SHCBP1: variants seen among roughly 807,000 people sequenced by gnomAD.
The protein encoded by SHCBP1 is SHC SH2 domain-binding protein 1.
Under a neutral mutation model 75.1 loss-of-function variants are expected in SHCBP1, and 60 were observed. That is an observed-to-expected ratio of 0.80 (90% CI 0.65 to 0.99). The LOEUF (loss-of-function observed/expected upper bound fraction) is 0.99. Among genes scored for constraint, SHCBP1 ranks in the 50% least tolerant of loss-of-function variants. The probability of loss-of-function intolerance (pLI) is 0.00; values close to 1 mark genes in which losing one functional copy is unlikely to be tolerated. For missense variants in SHCBP1, 709 were observed against 809.4 expected, an observed-to-expected ratio of 0.88 and a Z score of 1.50; for synonymous variants, 290 against 293.2, an observed-to-expected ratio of 0.99 and a Z score of 0.11.
Position 46,595,656 on chromosome 16 carries a change from T to C in SHCBP1, c.1360A>G (p.Lys454Glu). ...AGCACACAGTTTTCCAGCGTAGTCT[T>C]ACCACGGTGAACAACTGGGATGAAA... Reference protein sequence around the residue: ...VEGILIVHRGKTTLENCVLQC... With the variant: ...VEGILIVHRGETTLENCVLQC... Residue 454 changes from lysine (K) to glutamate (E), a missense_variant, in exon 10 of 13, where the codon AAG (lysine) becomes GAG (glutamate). Coordinates refer to ENST00000303383, the MANE Select transcript of SHCBP1 (RefSeq NM_024745.5). The C allele has an allele frequency of 1.9e-6, 3 of 1,613,696 alleles. No homozygotes were observed. Among genetic ancestry groups the C allele is most frequent in the South Asian group, 2.2e-5 (2 of 91,022 alleles).
chr16:46,588,525 C>T (rs1308860259), intron 10 of SHCBP1, among the ~76,000 whole-genome samples: 1 of 152,154 alleles, frequency 6.6e-6, no homozygotes, highest in African/African-American at 2.4e-5. Flanking sequence ...AAACTACCAT[C>T]AGAGAACACT....
intron 4 of SHCBP1, among the ~76,000 whole-genome samples, chr16:46,609,967 T>C (rs1330830338): frequency 6.6e-6 from 1 of 151,380 alleles, no homozygotes; most frequent in African/African-American, 2.4e-5. Context: ...TTTTTTTTTT[T>C]CAGATGGAGT....
At chr16:46,600,472 C>CA (rs1471228448) in intron 8 of SHCBP1, among the ~76,000 whole-genome samples, 2 of 151,788 alleles carry the variant, frequency 1.3e-5, no homozygotes, top group African/African-American at 4.8e-5. Flanking sequence ...GACCCCATCT[C>CA]AAAAAATGAT....
At position 46,597,110 on chromosome 16, in the gene SHCBP1, A is replaced by G. The variant is rs143733000; in HGVS notation, c.1346-1440T>C. 2.7e-3 allele frequency among the ~76,000 whole-genome samples: 415 copies of G among 152,306 alleles called. 1 individual carries two copies. The highest frequency in any genetic ancestry group is 0.01 in the Middle Eastern group (3 of 294). On this transcript the variant is annotated intron_variant, in intron 9 of 12. Coordinates refer to ENST00000303383, the MANE Select transcript of SHCBP1 (RefSeq NM_024745.5). ...TCCAAACCACCACAATAAAGGAAAT[A>G]TCACAATTAAAGTGAGTCACACAAT... is the stretch of plus-strand genomic sequence containing the variant.
intron 4 of SHCBP1, among the ~76,000 whole-genome samples, chr16:46,613,863 T>A (rs1434653682): frequency 2.3e-4 from 35 of 152,140 alleles, no homozygotes. Flanking sequence ...ACAAATGAAA[T>A]CCCTCATAAT....
chr16:46,611,032 T>A (rs1965408192), intron 4 of SHCBP1, among the ~76,000 whole-genome samples: 1 of 151,854 alleles, frequency 6.6e-6, no homozygotes, highest in Non-Finnish European at 1.5e-5. Context: ...CTGTGTGGAG[T>A]ATGTACATTT....
chr16:46,579,771 C>T lies in SHCBP1; in HGVS notation c.*1958G>A, dbSNP rs1331336835. Among the ~76,000 whole-genome samples the T allele has an allele frequency of 1.3e-5, 2 of 151,974 alleles. No homozygotes were observed. The highest frequency in any genetic ancestry group is 4.8e-5 in the African/African-American group (2 of 41,384). On this transcript the variant is annotated 3_prime_UTR_variant, in exon 13 of 13. Transcript: ENST00000303383. ...CCAACATGGTTAAACCCTGTCTCTA[C>T]TAAAAATACAAAAATTAGCCAGGCA...
At position 46,621,288 on chromosome 16, in the gene SHCBP1, C is replaced by A. The variant is rs760269779; in HGVS notation, c.72G>T (p.Ala24=). The A allele has an allele frequency of 3.1e-6, 5 of 1,610,662 alleles. No individual in the cohort carries two copies. Among genetic ancestry groups the A allele is most frequent in the African/African-American group, 2.7e-5 (2 of 75,020 alleles). ...CCAGAGACGCCAGCTCCTGCTCCAC[C>A]GCCCAGCCCATGCGCTCCGGCGCCA... is the stretch of plus-strand genomic sequence containing the variant. ...AAMAPERMGW[A]VEQELASLEK... is the part of the protein sequence containing the mutation. The change falls in exon 1 of 13, where the codon GCG becomes GCT. Residue 24 remains alanine (A), a synonymous_variant. Transcript: ENST00000303383.
intron 8 of SHCBP1, 110 bp downstream of exon 8, chr16:46,603,429 A>C: frequency 6.7e-7 from 1 of 1,486,996 alleles, no homozygotes; most frequent in South Asian, 1.3e-5. Flanking sequence ...AGCTCACTAG[A>C]AATCAAATGG....
In SHCBP1 at chr16:46,595,612, T is replaced by A; in HGVS notation, c.1404A>T (p.Gly468=). Residue 468 remains glycine, a synonymous_variant, in exon 10 of 13, where the codon GGA becomes GGT. Transcript: ENST00000303383. The part of the protein sequence containing the change: ...ENCVLQCETT[G]VTVRTSAEFL... ...ACTCTGCTGATGTCCGCACTGTGAC[T>A]CCGGTCGTCTCACACTGCAGCACAC... The A allele has an allele frequency of 1.2e-6, 2 of 1,614,192 alleles. No individual in the cohort carries two copies. The highest frequency in any genetic ancestry group is 1.7e-6 in the Non-Finnish European group (2 of 1,180,038).
chr16:46,582,111 CAT>C lies in SHCBP1; in HGVS notation c.1694-59_1694-58del, dbSNP rs564274459. 76 of 1,508,638 alleles carry C rather than the reference CAT, an allele frequency of 5.0e-5. No homozygotes were observed. The East Asian group carries it at 1.6e-3, about 31-fold the overall frequency. 93.5% of individuals were successfully genotyped at this position (1,508,638 alleles called of 1,614,324 possible). A position where few individuals can be genotyped will look rare whatever the true frequency, so the allele number is the denominator to read the frequency against. On this transcript the variant is annotated intron_variant, in intron 12 of 12. Coordinates refer to ENST00000303383, the MANE Select transcript of SHCBP1 (RefSeq NM_024745.5). ...AATATACAAGCTAACCCAACAAAAACATATATTTCTACACAGTCTTCTCAACA... is the reference window on the plus strand; with the variant it reads ...AATATACAAGCTAACCCAACAAAAACATATTTCTACACAGTCTTCTCAACA...
Position 46,604,002 on chromosome 16 carries a change from C to A in SHCBP1, c.1065G>T (p.Glu355Asp). The change falls in exon 7 of 13, where the codon GAG becomes GAT. Residue 355 changes from glutamate to aspartate, a missense_variant. Transcript: ENST00000303383. The part of the protein sequence containing the change: ...RSLLTDRLCQ[E>D]PGEEEREIQF... ...GAATTTCTCTTTCTTCCTCACCAGG[C>A]TCCTGGCAAAGCCTGTCCGTAAGCA... The A allele has an allele frequency of 1.2e-6, 2 of 1,612,352 alleles. No individual in the cohort carries two copies. Among genetic ancestry groups the A allele is most frequent in the Admixed American group, 3.4e-5 (2 of 59,452 alleles).
chr16:46,579,537 A>G lies in SHCBP1; in HGVS notation c.*2192T>C, dbSNP rs1231215320. 2.0e-5 allele frequency among the ~76,000 whole-genome samples: 3 copies of G among 152,206 alleles called. No individual in the cohort carries two copies. Among genetic ancestry groups the G allele is most frequent in the Non-Finnish European group, 2.9e-5 (2 of 68,034 alleles). ...TAAACCAAGATAAAGTAGAAATTCAATTGAAAAATCAATGTGATTTGGGAG... is the reference window on the plus strand; with the variant it reads ...TAAACCAAGATAAAGTAGAAATTCAGTTGAAAAATCAATGTGATTTGGGAG... On this transcript the variant is annotated 3_prime_UTR_variant, in exon 13 of 13. Transcript: ENST00000303383.
In SHCBP1 at chr16:46,595,577, T is replaced by A. The variant is rs369921811; in HGVS notation, c.1439A>T (p.Lys480Met). 3.1e-6 allele frequency: 5 copies of A among 1,613,976 alleles called. No individual in the cohort carries two copies. The African/African-American group carries it at 6.7e-5, about 22-fold the overall frequency. ...TVRTSAEFLM[K>M]NSDLYGAKGA... is the part of the protein sequence containing the mutation. ...CTTGGCGCCATATAAATCCGAGTTCTTCATTAGAAACTCTGCTGATGTCCG... is the reference window on the plus strand; with the variant it reads ...CTTGGCGCCATATAAATCCGAGTTCATCATTAGAAACTCTGCTGATGTCCG... Residue 480 changes from lysine to methionine, a missense_variant, in exon 10 of 13, where the codon AAG (lysine) becomes ATG (methionine). Physicochemically the swap from Lys to Met is moderately conservative, Grantham distance 95. Transcript: ENST00000303383.
intron 5 of SHCBP1, among the ~76,000 whole-genome samples, chr16:46,604,876 A>G (rs7191018): frequency 0.33 from 50,279 of 152,118 alleles, 10,571 homozygotes; most frequent in Non-Finnish European, 0.47. Context: ...AAATTGTTTC[A>G]CAACAATGTT....
At chr16:46,620,944 A>G (rs906778147) in intron 1 of SHCBP1, 4 of 330,062 alleles carry the variant, frequency 1.2e-5, no homozygotes, top group African/African-American at 2.1e-5. Context: ...GCAACAGTAA[A>G]TGCACAGTTC....
Position 46,621,300 on chromosome 16 carries a change from G to C in SHCBP1, c.60C>G (p.Arg20=). Residue 20 remains arginine, a synonymous_variant, in exon 1 of 13, where the codon CGC becomes CGG. Transcript: ENST00000303383. ...GLEAAAMAPE[R]MGWAVEQELA... ...GCTCCTGCTCCACCGCCCAGCCCAT[G>C]CGCTCCGGCGCCATGGCCGCTGCCT... is the stretch of plus-strand genomic sequence containing the variant. 6.2e-7 allele frequency: 1 copy of C among 1,610,956 alleles called. No homozygotes were observed. Among genetic ancestry groups the C allele is most frequent in the Non-Finnish European group, 8.5e-7 (1 of 1,179,148 alleles).
At chr16:46,613,440 C>T (rs1477380487) in intron 4 of SHCBP1, among the ~76,000 whole-genome samples, 1 of 152,192 alleles carries the variant, frequency 6.6e-6, no homozygotes, top group Non-Finnish European at 1.5e-5. Flanking sequence ...GCTAACAAAT[C>T]CCCGCACTGT....
intron 10 of SHCBP1, among the ~76,000 whole-genome samples, chr16:46,589,447 C>T (rs977561487): frequency 3.3e-5 from 5 of 152,172 alleles, no homozygotes; most frequent in Admixed American, 6.5e-5. Flanking sequence ...CCCAATATCT[C>T]CTTAAGCTGA....
Sources: allele counts gnomAD v4.1 joint callset (sites outside exome capture counted in the v4.1 genomes callset), GRCh38; gene constraint gnomAD v4.1.1; transcripts MANE v1.5; gene names NCBI Gene and HGNC (gene_info 2026-07-23, HGNC 2026-07-21).